Variants in AXDND1 observed in about 807,000 individuals in gnomAD.
AXDND1 encodes axonemal dynein light chain domain containing 1.
A neutral mutation model predicts 137.5 loss-of-function variants in AXDND1; 110 were observed. That is an observed-to-expected ratio of 0.80 (90% CI 0.69 to 0.94). The LOEUF (loss-of-function observed/expected upper bound fraction) is 0.94. Among genes scored for constraint, AXDND1 ranks in the 40% least tolerant of loss-of-function variants. The pLI, the probability that AXDND1 is intolerant of heterozygous loss-of-function variation, is 0.00. For synonymous variants in AXDND1, 414 were observed against 399.7 expected (o/e 1.04, Z -0.43); for missense variants, 1,191 against 1,169.8 (o/e 1.02, Z -0.26).
chr1:179,511,565 T>TG lies in AXDND1; in HGVS notation c.2496+2165dup, dbSNP rs1669068664. Among the ~76,000 whole-genome samples the TG allele has an allele frequency of 1.3e-5, 2 of 152,146 alleles. 1 individual carries two copies. The highest frequency in any genetic ancestry group is 4.1e-4 in the South Asian group (2 of 4,824). ...TTTCCTATAATGACTTCTTTTCCTC[T>TG]GGGTAGATACCCAGTAATGAGATTG... On this transcript the variant is annotated intron_variant, in intron 21 of 25. Transcript: ENST00000367618.
chr1:179,510,003 T>G, intron 21 of AXDND1, among the ~76,000 whole-genome samples: 1 of 152,306 alleles, frequency 6.6e-6, no homozygotes, highest in Non-Finnish European at 1.5e-5. Context: ...CAAATCCAAG[T>G]ATCTTCAATT....
intron 15 of AXDND1, among the ~76,000 whole-genome samples, chr1:179,433,944 T>G (rs949064069): frequency 4.1e-5 from 6 of 144,850 alleles, no homozygotes; most frequent in African/African-American, 1.5e-4. Context: ...TGTCTAATAT[T>G]GACAGTGGGG....
At chr1:179,526,229 G>A (rs1572172627) in intron 22 of AXDND1, among the ~76,000 whole-genome samples, 1 of 151,916 alleles carries the variant, frequency 6.6e-6, no homozygotes, top group Non-Finnish European at 1.5e-5. Context: ...AGGGGCATTT[G>A]TAGTAATAAA....
chr1:179,489,797 G>C (rs903970749), intron 18 of AXDND1, among the ~76,000 whole-genome samples: 4 of 139,826 alleles, frequency 2.9e-5, no homozygotes, highest in Non-Finnish European at 4.6e-5. Context: ...CCAGGCTGGA[G>C]TGCAGTGGAA....
At chr1:179,509,930 C>T (rs1441112711) in intron 21 of AXDND1, among the ~76,000 whole-genome samples, 1 of 152,072 alleles carries the variant, frequency 6.6e-6, no homozygotes, top group Non-Finnish European at 1.5e-5. Flanking sequence ...CTTTCCATTC[C>T]ATCATAATCA....
chr1:179,546,113 AAG>A (rs1024136919), intron 25 of AXDND1: 9 of 152,118 alleles, frequency 5.9e-5, no homozygotes, highest in African/African-American at 2.2e-4. Context: ...TCAAAGTCCC[AAG>A]AGAGAGAAAA....
chr1:179,464,558 C>T (rs376523045), intron 16 of AXDND1, among the ~76,000 whole-genome samples: 1 of 152,226 alleles, frequency 6.6e-6, no homozygotes, highest in Non-Finnish European at 1.5e-5. Flanking sequence ...TTTTTTCCTT[C>T]ATTTCAACTT....
At chr1:179,425,456 G>C (rs1656405925) in intron 12 of AXDND1, among the ~76,000 whole-genome samples, 1 of 152,128 alleles carries the variant, frequency 6.6e-6, no homozygotes, top group Non-Finnish European at 1.5e-5. Context: ...TCCAGGCCTG[G>C]GGATGGTAGT....
intron 8 of AXDND1, among the ~76,000 whole-genome samples, chr1:179,383,956 C>T (rs1447898706): frequency 2.0e-5 from 3 of 152,102 alleles, no homozygotes; most frequent in Non-Finnish European, 4.4e-5. Flanking sequence ...AACTCCTGAC[C>T]TCAAGTGATC....
rs751010289 is a variant in AXDND1, at chr1:179,399,372, C to T, written c.1109+4170C>T. ...AATGGTGCTGGGATAATTGGCTAAC[C>T]GCATGTAGGAGAATGATACCAGATC... On this transcript the variant is annotated intron_variant, in intron 11 of 25. Coordinates refer to ENST00000367618, the MANE Select transcript of AXDND1 (RefSeq NM_144696.6). Among the ~76,000 whole-genome samples, 19 of 152,108 alleles carry T rather than the reference C, an allele frequency of 1.2e-4. 1 individual carries two copies. The highest frequency in any genetic ancestry group is 5.2e-4 in the Admixed American group (8 of 15,268).
chr1:179,381,981 AC>A (rs1374444665), intron 6 of AXDND1, among the ~76,000 whole-genome samples: 1 of 126,024 alleles, frequency 7.9e-6, no homozygotes, highest in African/African-American at 3.0e-5. Flanking sequence ...TTTAGTAGCG[AC>A]GGGGTTTCAC....
chr1:179,523,564 AC>A (rs1670267423), intron 21 of AXDND1, among the ~76,000 whole-genome samples: 1 of 152,120 alleles, frequency 6.6e-6, no homozygotes, highest in African/African-American at 2.4e-5. Flanking sequence ...GGCCCTGGAA[AC>A]ACCACACGGT....
intron 12 of AXDND1, among the ~76,000 whole-genome samples, chr1:179,421,724 T>C (rs1655770505): frequency 6.6e-6 from 1 of 151,982 alleles, no homozygotes; most frequent in South Asian, 2.1e-4. Flanking sequence ...GCTTTATTGA[T>C]TTTGCTTATC....
chr1:179,493,062 A>G (rs1323851318), intron 20 of AXDND1, 111 bp downstream of exon 20: 2 of 724,922 alleles, frequency 2.8e-6, no homozygotes, highest in Non-Finnish European at 4.4e-6. Context: ...ATACAATCTT[A>G]TAAGTTCTAA....
At chr1:179,525,504 CATAT>C in intron 22 of AXDND1, 57 bp downstream of exon 22, 1 of 1,469,552 alleles carries the variant, frequency 6.8e-7, no homozygotes, top group Non-Finnish European at 9.1e-7. Flanking sequence ...TACATACATA[CATAT>C]ATTTTAGAGA....
chr1:179,439,709 A>T (rs766709238), intron 15 of AXDND1, among the ~76,000 whole-genome samples: 46 of 152,154 alleles, frequency 3.0e-4, no homozygotes, highest in Non-Finnish European at 5.9e-4. Flanking sequence ...AGTTGTCCCC[A>T]GGTTATGAGG....
chr1:179,376,938 T>G (rs1647367366), intron 4 of AXDND1, among the ~76,000 whole-genome samples: 1 of 148,868 alleles, frequency 6.7e-6, no homozygotes, highest in African/African-American at 2.5e-5. Flanking sequence ...ATGTAGTTTT[T>G]TCTTTTTTTT....
At chr1:179,422,837 C>A (rs1481781096) in intron 12 of AXDND1, among the ~76,000 whole-genome samples, 2 of 152,128 alleles carry the variant, frequency 1.3e-5, no homozygotes, top group Non-Finnish European at 2.9e-5. Context: ...AGTCTCGGCT[C>A]ACTGCAACCT....
At position 179,491,620 on chromosome 1, in the gene AXDND1, GTC is replaced by G; in HGVS notation, c.2177_2178del (p.Leu726ProfsTer9). Reference sequence around the variant, plus strand: ...ATACCCAACTTTACTGACCAAGACTGTCTCCTAAAGTTGGAGGAGGAAAGTGC... The same window carrying G: ...ATACCCAACTTTACTGACCAAGACTGTCCTAAAGTTGGAGGAGGAAAGTGC... On this transcript the variant is annotated frameshift_variant, in exon 19 of 26. Coordinates refer to ENST00000367618, the MANE Select transcript of AXDND1 (RefSeq NM_144696.6). LOFTEE classifies it high-confidence loss of function. 6.2e-7 allele frequency: 1 copy of G among 1,613,798 alleles called. No individual in the cohort carries two copies. The highest frequency in any genetic ancestry group is 1.1e-5 in the South Asian group (1 of 91,036).
Sources: allele counts gnomAD v4.1 joint callset (sites outside exome capture counted in the v4.1 genomes callset), GRCh38; gene constraint gnomAD v4.1.1; transcripts MANE v1.5; gene names NCBI Gene and HGNC (gene_info 2026-07-23, HGNC 2026-07-21).